The following SAMD3 variants were observed in gnomAD, a reference collection of about 807,000 sequenced individuals.
SAMD3 encodes sterile alpha motif domain containing 3, also known as sterile alpha motif domain-containing protein 3.
Under a neutral mutation model 58.5 loss-of-function variants are expected in SAMD3, and 63 were observed. That is an observed-to-expected ratio of 1.08 (90% confidence interval 0.88 to 1.33). SAMD3 has a LOEUF of 1.33. Ranked by LOEUF, SAMD3 falls within the 40% of genes most tolerant of loss-of-function variation. SAMD3 has a pLI of 0.00. For synonymous variants in SAMD3, 220 were observed against 210.3 expected, an observed-to-expected ratio of 1.05 and a Z score of -0.40; for missense variants, 604 against 608.4, an observed-to-expected ratio of 0.99 and a Z score of 0.08.
At chr6:130,358,458 A>G (rs910594413) in intron 1 of SAMD3, among the ~76,000 whole-genome samples, 3 of 152,198 alleles carry the variant, frequency 2.0e-5, no homozygotes, top group Non-Finnish European at 4.4e-5. Flanking sequence ...AGTTCTGAAA[A>G]TGTGAAGGTG....
At chr6:130,162,672 A>T (rs1790378384) in intron 8 of SAMD3, among the ~76,000 whole-genome samples, 1 of 152,030 alleles carries the variant, frequency 6.6e-6, no homozygotes, top group Non-Finnish European at 1.5e-5. Context: ...CCCTATGAAA[A>T]ATCTACTTTA....
chr6:130,187,510 G>A (rs981229085), intron 5 of SAMD3, among the ~76,000 whole-genome samples: 1 of 152,006 alleles, frequency 6.6e-6, no homozygotes, highest in South Asian at 2.1e-4. Flanking sequence ...TTCTGGAATT[G>A]ACTAAAAACC....
intron 2 of SAMD3, among the ~76,000 whole-genome samples, chr6:130,293,969 C>T (rs544491823): frequency 6.6e-6 from 1 of 152,214 alleles, no homozygotes; most frequent in African/African-American, 2.4e-5. Context: ...CCTGCTCAGG[C>T]TTCAAGACTG....
intron 2 of SAMD3, among the ~76,000 whole-genome samples, chr6:130,238,477 G>A (rs1032061562): frequency 6.3e-4 from 95 of 151,738 alleles, no homozygotes; most frequent in African/African-American, 2.2e-3. Flanking sequence ...AAGAGATCAT[G>A]TTTAATTATT....
intron 1 of SAMD3, among the ~76,000 whole-genome samples, chr6:130,360,860 G>A (rs1583156232): frequency 6.6e-6 from 1 of 152,158 alleles, no homozygotes; most frequent in South Asian, 2.1e-4. Flanking sequence ...TCTCAGGGAT[G>A]TTCATTGCTG....
intron 7 of SAMD3, chr6:130,183,293 C>T (rs867302869): frequency 4.4e-5 from 19 of 432,580 alleles, no homozygotes; most frequent in Middle Eastern, 1.2e-3. Context: ...GCTGAGATCG[C>T]GCCACTATAC....
chr6:130,152,699 T>TA (rs1174386452), intron 9 of SAMD3, among the ~76,000 whole-genome samples: 34 of 151,508 alleles, frequency 2.2e-4, no homozygotes, highest in Non-Finnish European at 1.0e-4. Flanking sequence ...AATAAATAAA[T>TA]AAAACAATCA....
At chr6:130,281,342 C>T (rs1774973959) in intron 2 of SAMD3, among the ~76,000 whole-genome samples, 1 of 152,124 alleles carries the variant, frequency 6.6e-6, no homozygotes, top group African/African-American at 2.4e-5. Context: ...GTTATTATTT[C>T]CTCTTTATTT....
intron 1 of SAMD3, among the ~76,000 whole-genome samples, chr6:130,317,141 C>T (rs985526840): frequency 2.6e-5 from 4 of 152,278 alleles, no homozygotes; most frequent in African/African-American, 7.2e-5. Flanking sequence ...CTTATGATTA[C>T]TATTAGCTAT....
chr6:130,278,377 G>T (rs761365232), intron 2 of SAMD3, among the ~76,000 whole-genome samples: 10 of 152,178 alleles, frequency 6.6e-5, no homozygotes, highest in Admixed American at 3.3e-4. Flanking sequence ...AGCCAGCTCT[G>T]TGTGAATTAC....
intron 2 of SAMD3, among the ~76,000 whole-genome samples, chr6:130,295,134 G>A (rs988404647): frequency 1.3e-5 from 2 of 151,992 alleles, no homozygotes; most frequent in Non-Finnish European, 2.9e-5. Context: ...TGTTGGTCAG[G>A]CTGGTCTCGA....
intron 2 of SAMD3, among the ~76,000 whole-genome samples, chr6:130,296,898 CTGCCAACTCAGGATGAGG>C (rs768623830): frequency 1.3e-5 from 2 of 152,140 alleles, no homozygotes; most frequent in Non-Finnish European, 2.9e-5. Flanking sequence ...GATCACATTC[CTGCCAACTCAGGATGAGG>C]AGTTGGTACA....
intron 2 of SAMD3, among the ~76,000 whole-genome samples, chr6:130,262,063 G>GAAA (rs59218287): frequency 1.4e-4 from 21 of 148,020 alleles, no homozygotes; most frequent in African/African-American, 4.7e-4. Context: ...AAGTAGTTAA[G>GAAA]AAAAAAAAAA....
chr6:130,152,431 C>CT (rs1362242071), intron 9 of SAMD3, among the ~76,000 whole-genome samples: 2 of 152,104 alleles, frequency 1.3e-5, no homozygotes, highest in African/African-American at 4.8e-5. Context: ...AATCCCAGCA[C>CT]TTTGGGAGGC....
intron 1 of SAMD3, among the ~76,000 whole-genome samples, chr6:130,337,596 A>G (rs1463926994): frequency 6.6e-6 from 1 of 152,178 alleles, no homozygotes; most frequent in Non-Finnish European, 1.5e-5. Flanking sequence ...AGAAAGGAAT[A>G]TGTGGGGAAG....
intron 8 of SAMD3, among the ~76,000 whole-genome samples, chr6:130,167,889 T>C (rs920020390): frequency 8.5e-5 from 13 of 152,158 alleles, no homozygotes; most frequent in African/African-American, 3.1e-4. Context: ...AAGCTATATA[T>C]ATAACATGAT....
chr6:130,229,190 G>C (rs1796470032), intron 2 of SAMD3, among the ~76,000 whole-genome samples: 1 of 152,230 alleles, frequency 6.6e-6, no homozygotes, highest in African/African-American at 2.4e-5. Flanking sequence ...TCGTGCCCAA[G>C]CATGGCCCAG....
intron 8 of SAMD3, chr6:130,160,200 T>C (rs1263945213): frequency 6.6e-6 from 1 of 152,098 alleles, no homozygotes; most frequent in Non-Finnish European, 1.5e-5. Flanking sequence ...AGCAGCATAG[T>C]TCATAACAGC....
chr6:130,266,424 T>G (rs1774359494), intron 2 of SAMD3, among the ~76,000 whole-genome samples: 1 of 152,118 alleles, frequency 6.6e-6, no homozygotes, highest in African/African-American at 2.4e-5. Flanking sequence ...CCTGATAGCT[T>G]GTAGGTCCTA....
Sources: allele counts gnomAD v4.1 joint callset (sites outside exome capture counted in the v4.1 genomes callset), GRCh38; gene constraint gnomAD v4.1.1; transcripts MANE v1.5; gene names NCBI Gene and HGNC (gene_info 2026-07-23, HGNC 2026-07-21).